The following SGCD variants were observed in gnomAD, a reference collection of about 807,000 sequenced individuals.
SGCD encodes delta-sarcoglycan.
SGCD carries 18 observed loss-of-function variants against 36.6 expected under a neutral mutation model. The observed-to-expected ratio is 0.49, with a 90% CI of 0.34 to 0.73. The LOEUF (loss-of-function observed/expected upper bound fraction) is 0.73, where lower values mean the gene tolerates loss of function less well. SGCD is among the 30% of genes least tolerant of loss of function. The probability of loss-of-function intolerance (pLI) is 0.01; values close to 1 mark genes in which losing one functional copy is unlikely to be tolerated. For synonymous variants in SGCD, 133 were observed against 130.6 expected, an observed-to-expected ratio of 1.02 and a Z score of -0.12; for missense variants, 387 against 346.7, an observed-to-expected ratio of 1.12 and a Z score of -0.92.
intron 4 of SGCD, among the ~76,000 whole-genome samples, chr5:156,580,736 G>A (rs559517965): frequency 6.6e-6 from 1 of 152,198 alleles, no homozygotes; most frequent in South Asian, 2.1e-4. Context: ...TAGTGCCATG[G>A]TTTTCAGCTC....
At chr5:156,557,471 A>G (rs1338273486) in intron 4 of SGCD, among the ~76,000 whole-genome samples, 5 of 152,214 alleles carry the variant, frequency 3.3e-5, no homozygotes, top group African/African-American at 4.8e-5. Context: ...AGGAGTCAGC[A>G]AACTACAGGC....
chr5:156,529,498 C>G (rs543122190), intron 4 of SGCD, among the ~76,000 whole-genome samples: 7 of 150,140 alleles, frequency 4.7e-5, no homozygotes, highest in African/African-American at 1.7e-4. Context: ...TTTCTTCACT[C>G]CTATGTTGTT....
chr5:156,216,154 GTTA>G (rs372329978), intron 3 of SGCD, among the ~76,000 whole-genome samples: 28 of 152,280 alleles, frequency 1.8e-4, no homozygotes, highest in Middle Eastern at 6.8e-3. Context: ...TGGAATTGTG[GTTA>G]TTAAGAGGCT....
chr5:156,249,010 G>C (rs1438535749), intron 3 of SGCD, among the ~76,000 whole-genome samples: 1 of 152,172 alleles, frequency 6.6e-6, no homozygotes, highest in Admixed American at 6.5e-5. Context: ...CATTCTCTTT[G>C]AGATGTATTG....
intron 7 of SGCD, among the ~76,000 whole-genome samples, chr5:156,753,171 G>A (rs1757211555): frequency 1.3e-5 from 2 of 152,170 alleles, no homozygotes; most frequent in African/African-American, 4.8e-5. Context: ...AAGCCCACCA[G>A]GTGATTCTGA....
At chr5:155,796,317 T>C in the SGCD span, among the ~76,000 whole-genome samples, 1 of 152,018 alleles carries the variant, frequency 6.6e-6, no homozygotes, top group African/African-American at 2.4e-5. Context: ...AAACCACAAA[T>C]TGCTTGGAAA....
In SGCD at chr5:156,275,807, G is replaced by T. The variant is rs573886780; in HGVS notation, c.-43-53727G>T. 1.4e-4 allele frequency among the ~76,000 whole-genome samples: 22 copies of T among 152,248 alleles called. No homozygotes were observed. In the East Asian group the frequency reaches 4.2e-3, roughly 29 times the overall value. Reference sequence around the variant, plus strand: ...ATGCTATCATTGAGGGGCCATATTGGTTCAGTAAGTGGCTTGACATGTAAT... The same window carrying T: ...ATGCTATCATTGAGGGGCCATATTGTTTCAGTAAGTGGCTTGACATGTAAT... On this transcript the variant is annotated intron_variant, in intron 3 of 9. Coordinates refer to the SGCD transcript ENST00000517913.
At chr5:156,119,619 T>C (rs1761985887) in intron 2 of SGCD, among the ~76,000 whole-genome samples, 1 of 152,088 alleles carries the variant, frequency 6.6e-6, no homozygotes, top group Non-Finnish European at 1.5e-5. Flanking sequence ...TACATTTGGA[T>C]CCATAGTTCA....
chr5:156,094,227 G>A (rs1327533657), intron 1 of SGCD, among the ~76,000 whole-genome samples: 3 of 152,182 alleles, frequency 2.0e-5, no homozygotes, highest in Non-Finnish European at 4.4e-5. Context: ...AGCTGCTGCT[G>A]TGGCAGGATC....
At position 156,171,882 on chromosome 5, in the gene SGCD, G is replaced by GTTAT. The variant is rs1763354163; in HGVS notation, c.-44+47864_-44+47867dup. ...ATAATGACAATGGGAATTTCTAGAA[G>GTTAT]TTATGAAACCCCGGCCATTAGCAGT... On this transcript the variant is annotated intron_variant, in intron 3 of 9. Transcript: ENST00000517913. Among the ~76,000 whole-genome samples, 9 of 152,250 alleles carry GTTAT rather than the reference G, an allele frequency of 5.9e-5. No homozygotes were observed. In the South Asian group the frequency reaches 1.9e-3, roughly 32 times the overall value.
intron 3 of SGCD, among the ~76,000 whole-genome samples, chr5:156,387,038 C>T (rs570783188): frequency 4.6e-5 from 7 of 152,216 alleles, no homozygotes; most frequent in Non-Finnish European, 7.4e-5. Flanking sequence ...ATTCTGAAAT[C>T]GTACTGCACT....
At chr5:156,494,939 A>G (rs540112630) in intron 3 of SGCD, among the ~76,000 whole-genome samples, 4 of 152,232 alleles carry the variant, frequency 2.6e-5, no homozygotes, top group African/African-American at 9.6e-5. Context: ...TCTTAAGTAT[A>G]TCCTACCCTC....
intron 3 of SGCD, among the ~76,000 whole-genome samples, chr5:156,267,560 G>C (rs1386663782): frequency 6.6e-6 from 1 of 152,138 alleles, no homozygotes; most frequent in Non-Finnish European, 1.5e-5. Flanking sequence ...CCCTCCCTGA[G>C]CACAGGCAGA....
the SGCD span, among the ~76,000 whole-genome samples, chr5:155,838,940 A>T: frequency 6.6e-6 from 1 of 152,208 alleles, no homozygotes; most frequent in Non-Finnish European, 1.5e-5. Context: ...GGGCACAGCC[A>T]GGAAAATGTA....
rs974672699 is a variant in SGCD at position 155,969,622 on chromosome 5, C to T, written c.-282+99198C>T. ...TTGGAGTCAGAGCAGCCTATGTCTG[C>T]GCCCTGTGTGTCTGACATAGGTAGC... is the stretch of plus-strand genomic sequence containing the variant. On this transcript the variant is annotated intron_variant, in intron 1 of 9. Transcript: ENST00000517913. 3.9e-5 allele frequency among the ~76,000 whole-genome samples: 6 copies of T among 152,172 alleles called. No homozygotes were observed. In the East Asian group the frequency reaches 9.7e-4, roughly 25 times the overall value.
At chr5:155,907,545 C>G (rs181186688) in intron 1 of SGCD, among the ~76,000 whole-genome samples, 30 of 152,138 alleles carry the variant, frequency 2.0e-4, no homozygotes, top group Middle Eastern at 3.4e-3. Context: ...TGATTCCAAC[C>G]CTCATGAATG....
At chr5:156,060,700 A>G (rs2127583644) in intron 1 of SGCD, among the ~76,000 whole-genome samples, 1 of 146,172 alleles carries the variant, frequency 6.8e-6, no homozygotes, top group African/African-American at 2.5e-5. Context: ...GGTGGATTCA[A>G]GTTTAGCCTA....
chr5:155,935,672 C>T (rs1757178847), intron 1 of SGCD, among the ~76,000 whole-genome samples: 1 of 152,164 alleles, frequency 6.6e-6, no homozygotes, highest in East Asian at 1.9e-4. Flanking sequence ...AGAGGGAACG[C>T]TCATGTGTCT....
At chr5:156,017,701 A>G (rs1158639015) in intron 1 of SGCD, among the ~76,000 whole-genome samples, 1 of 152,142 alleles carries the variant, frequency 6.6e-6, no homozygotes, top group Non-Finnish European at 1.5e-5. Context: ...TAACATTTCA[A>G]AAATGGAAAT....
Sources: gnomAD v4.1 joint callset for allele counts (sites outside exome capture counted in the v4.1 genomes callset) on GRCh38, gnomAD v4.1.1 for gene constraint, MANE v1.5 for transcripts, NCBI Gene and HGNC (gene_info 2026-07-23, HGNC 2026-07-21) for gene names.